The following NBAS variants were observed in gnomAD, a reference collection of about 807,000 sequenced individuals.
NBAS encodes the protein NBAS subunit of NRZ tethering complex.
NBAS carries 219 observed loss-of-function variants against 302.5 expected under a neutral mutation model. The observed-to-expected ratio is 0.72, with a 90% CI of 0.65 to 0.81. NBAS has a LOEUF of 0.81. NBAS is among the 30% of genes least tolerant of loss of function. NBAS has a pLI of 0.00. For synonymous variants in NBAS, 1,118 were observed against 1,021.6 expected, an observed-to-expected ratio of 1.09 and a Z score of -1.80; for missense variants, 2,932 against 2,841.6, an observed-to-expected ratio of 1.03 and a Z score of -0.72.
intron 38 of NBAS, among the ~76,000 whole-genome samples, chr2:15,311,934 G>A (rs1227762184): frequency 2.6e-5 from 4 of 151,980 alleles, no homozygotes; most frequent in Non-Finnish European, 4.4e-5. Context: ...TGAGTGGTCT[G>A]CCCCACTGCA....
At chr2:15,002,218 A>G in the NBAS span, among the ~76,000 whole-genome samples, 1 of 152,116 alleles carries the variant, frequency 6.6e-6, no homozygotes, top group Admixed American at 6.5e-5. Context: ...TGTGTTTACA[A>G]ACCTTGAGCT....
At chr2:15,470,760 G>A (rs1679922659) in intron 16 of NBAS, among the ~76,000 whole-genome samples, 1 of 151,890 alleles carries the variant, frequency 6.6e-6, no homozygotes, top group Non-Finnish European at 1.5e-5. Flanking sequence ...TACTTATACG[G>A]CCAGTTATTT....
the NBAS span, among the ~76,000 whole-genome samples, chr2:15,006,398 A>G: frequency 6.6e-6 from 1 of 152,220 alleles, no homozygotes; most frequent in African/African-American, 2.4e-5. Flanking sequence ...TTAATGGGGT[A>G]TGTTTACTGT....
At chr2:14,955,174 T>C in the NBAS span, among the ~76,000 whole-genome samples, 2 of 152,164 alleles carry the variant, frequency 1.3e-5, no homozygotes, top group East Asian at 3.9e-4. Flanking sequence ...AAATCCAAAA[T>C]CCAATAGGGC....
chr2:15,532,578 A>G (rs1663275961), intron 9 of NBAS, among the ~76,000 whole-genome samples: 1 of 151,912 alleles, frequency 6.6e-6, no homozygotes, highest in Admixed American at 6.6e-5. Context: ...CTTTGTGCAT[A>G]CTCGTGGTAG....
the NBAS span, among the ~76,000 whole-genome samples, chr2:14,911,252 C>G: frequency 6.6e-6 from 1 of 152,214 alleles, no homozygotes; most frequent in Non-Finnish European, 1.5e-5. Flanking sequence ...GGAAATTGCA[C>G]TAGTCTTGAA....
At chr2:15,543,642 A>C (rs758210286) in intron 6 of NBAS, among the ~76,000 whole-genome samples, 59 of 152,332 alleles carry the variant, frequency 3.9e-4, no homozygotes, top group Non-Finnish European at 6.5e-4. Context: ...AATGAGGAAG[A>C]TGCAAAAGCA....
intron 9 of NBAS, among the ~76,000 whole-genome samples, chr2:15,514,317 T>C (rs969002132): frequency 6.6e-6 from 1 of 152,194 alleles, no homozygotes; most frequent in Non-Finnish European, 1.5e-5. Context: ...TAAATTTATT[T>C]CTCAAAAGTC....
intron 44 of NBAS, 92 bp from the exon 45 acceptor site, chr2:15,238,778 T>G: frequency 8.7e-7 from 1 of 1,149,606 alleles, no homozygotes; most frequent in Admixed American, 2.7e-5. Context: ...AAAGTGAAAT[T>G]TTTGTATATA....
chr2:15,530,991 C>T (rs532932886), intron 9 of NBAS, among the ~76,000 whole-genome samples: 110 of 152,020 alleles, frequency 7.2e-4, no homozygotes, highest in African/African-American at 2.6e-3. Flanking sequence ...TCAAGATAAA[C>T]ACTACTAGAA....
At chr2:14,984,414 G>A in the NBAS span, among the ~76,000 whole-genome samples, 1 of 152,172 alleles carries the variant, frequency 6.6e-6, no homozygotes, top group African/African-American at 2.4e-5. Flanking sequence ...CCAAGTCAGT[G>A]TAAAACAAAT....
chr2:14,943,024 T>C, the NBAS span, among the ~76,000 whole-genome samples: 1 of 152,238 alleles, frequency 6.6e-6, no homozygotes, highest in Non-Finnish European at 1.5e-5. Flanking sequence ...CTTATGGTTT[T>C]ATTATGGCTA....
the NBAS span, among the ~76,000 whole-genome samples, chr2:15,051,654 C>T: frequency 1.3e-5 from 2 of 152,200 alleles, no homozygotes; most frequent in Non-Finnish European, 2.9e-5. Context: ...GAGCAAGACA[C>T]AGTGTACCAT....
chr2:15,006,729 A>C, the NBAS span, among the ~76,000 whole-genome samples: 1 of 152,188 alleles, frequency 6.6e-6, no homozygotes, highest in African/African-American at 2.4e-5. Flanking sequence ...CAACTTTCCA[A>C]GCACCTGCTT....
At chr2:15,553,256 C>G (rs1664468104) in intron 5 of NBAS, among the ~76,000 whole-genome samples, 170 bp downstream of exon 5, 1 of 152,200 alleles carries the variant, frequency 6.6e-6, no homozygotes, top group Non-Finnish European at 1.5e-5. Flanking sequence ...TCTGAGAAAG[C>G]ATCCTTAATT....
chr2:15,394,722 T>C (rs1222378428), intron 27 of NBAS, among the ~76,000 whole-genome samples: 2 of 152,116 alleles, frequency 1.3e-5, no homozygotes, highest in Non-Finnish European at 1.5e-5. Context: ...TAGGCTGTTA[T>C]AGGCAAGACT....
At chr2:15,552,501 T>C (rs2148710592) in intron 5 of NBAS, among the ~76,000 whole-genome samples, 1 of 152,314 alleles carries the variant, frequency 6.6e-6, no homozygotes, top group South Asian at 2.1e-4. Context: ...TTCCACTTAA[T>C]GAACAGTAAA....
At chr2:15,060,338 C>T in the NBAS span, among the ~76,000 whole-genome samples, 1 of 152,190 alleles carries the variant, frequency 6.6e-6, no homozygotes, top group African/African-American at 2.4e-5. Flanking sequence ...GGACCACCAC[C>T]TGTGCATAAG....
the NBAS span, among the ~76,000 whole-genome samples, chr2:14,838,794 A>G: frequency 2.8e-4 from 42 of 152,110 alleles, no homozygotes; most frequent in Non-Finnish European, 3.8e-4. Flanking sequence ...CCACACACAT[A>G]ACTTTAAGTT....
Sources: allele counts gnomAD v4.1 joint callset (sites outside exome capture counted in the v4.1 genomes callset), GRCh38; gene constraint gnomAD v4.1.1; transcripts MANE v1.5; gene names NCBI Gene and HGNC (gene_info 2026-07-23, HGNC 2026-07-21).